TMEM135: variants seen among roughly 807,000 people sequenced by gnomAD.
TMEM135 encodes the protein transmembrane protein 135, also known as peroxisomal membrane protein 52.
Under a neutral mutation model 60.3 loss-of-function variants are expected in TMEM135, and 30 were observed. The observed-to-expected ratio is 0.50, with a 90% CI of 0.37 to 0.68. TMEM135 has a LOEUF of 0.68. TMEM135 is among the 30% of genes least tolerant of loss of function. The pLI is 0.00. For synonymous variants in TMEM135, 190 were observed against 186.7 expected (o/e 1.02, Z -0.14); for missense variants, 468 against 548.8 (o/e 0.85, Z 1.47).
chr11:87,114,557 C>G (rs541334816), intron 4 of TMEM135, among the ~76,000 whole-genome samples: 4 of 152,160 alleles, frequency 2.6e-5, no homozygotes, highest in Non-Finnish European at 4.4e-5. Flanking sequence ...ACTTGTAGAG[C>G]AGTACAGTTT....
intron 3 of TMEM135, among the ~76,000 whole-genome samples, chr11:87,088,069 A>G (rs919421942): frequency 6.6e-6 from 1 of 152,048 alleles, no homozygotes; most frequent in African/African-American, 2.4e-5. Context: ...GAGCCCAGCC[A>G]TGGGTTTGTA....
chr11:87,121,572 A>G (rs1378054716), intron 4 of TMEM135: 1 of 151,868 alleles, frequency 6.6e-6, no homozygotes, highest in African/African-American at 2.4e-5. Context: ...TTAATTTTTA[A>G]AAAATTAGCT....
chr11:87,088,393 C>G (rs548287384), intron 3 of TMEM135, among the ~76,000 whole-genome samples: 1 of 152,062 alleles, frequency 6.6e-6, no homozygotes, highest in Non-Finnish European at 1.5e-5. Context: ...CTATATTACC[C>G]TATGTTAAGA....
At chr11:87,163,788 G>C (rs1260321209) in intron 5 of TMEM135, among the ~76,000 whole-genome samples, 1 of 143,808 alleles carries the variant, frequency 7.0e-6, no homozygotes, top group Non-Finnish European at 1.5e-5. Context: ...CTGATGGCCA[G>C]TGATGATGAG....
At chr11:87,129,341 C>T (rs940096963) in intron 4 of TMEM135, among the ~76,000 whole-genome samples, 1 of 147,822 alleles carries the variant, frequency 6.8e-6, no homozygotes, top group South Asian at 2.2e-4. Context: ...CTCCCAGGTT[C>T]AAGCAGTTCT....
intron 3 of TMEM135, among the ~76,000 whole-genome samples, chr11:87,086,304 ATGCCCCCTGCCC>A (rs1238010935): frequency 6.6e-6 from 1 of 152,000 alleles, no homozygotes; most frequent in African/African-American, 2.4e-5. Context: ...ACAGCCAGTG[ATGCCCCCTGCCC>A]TGCACCCAGG....
intron 4 of TMEM135, among the ~76,000 whole-genome samples, chr11:87,153,366 T>TTC (rs1165299928): frequency 1.3e-5 from 2 of 152,176 alleles, no homozygotes; most frequent in African/African-American, 4.8e-5. Flanking sequence ...AGAACCTTCT[T>TTC]TCCTCCAGTT....
At chr11:87,214,915 T>C (rs1940464060) in intron 5 of TMEM135, among the ~76,000 whole-genome samples, 1 of 152,184 alleles carries the variant, frequency 6.6e-6, no homozygotes, top group South Asian at 2.1e-4. Context: ...TTCTATTTTA[T>C]TTAACACTGA....
intron 5 of TMEM135, among the ~76,000 whole-genome samples, chr11:87,221,102 G>C (rs933937025): frequency 3.9e-5 from 6 of 152,020 alleles, no homozygotes; most frequent in African/African-American, 1.4e-4. Context: ...ACATCTTCTG[G>C]AGAAAAAAGA....
At chr11:87,203,602 C>T (rs952846575) in intron 5 of TMEM135, among the ~76,000 whole-genome samples, 2 of 152,272 alleles carry the variant, frequency 1.3e-5, no homozygotes, top group South Asian at 4.2e-4. Context: ...TTTATTTACT[C>T]ACCTACTGGA....
At chr11:87,150,040 A>C (rs1938515748) in intron 4 of TMEM135, among the ~76,000 whole-genome samples, 1 of 152,100 alleles carries the variant, frequency 6.6e-6, no homozygotes, top group South Asian at 2.1e-4. Flanking sequence ...TAACATGGTG[A>C]AACCTGTCTC....
chr11:87,268,266 TTTA>T, intron 6 of TMEM135, among the ~76,000 whole-genome samples: 1 of 63,246 alleles, frequency 1.6e-5, no homozygotes, highest in East Asian at 2.4e-4. Flanking sequence ...TATTTATTTA[TTTA>T]TTTATTTATT....
chr11:87,141,764 A>G (rs1282534713), intron 4 of TMEM135, among the ~76,000 whole-genome samples: 1 of 152,170 alleles, frequency 6.6e-6, no homozygotes, highest in African/African-American at 2.4e-5. Context: ...CAGAAACTCT[A>G]TTAGTTATTA....
intron 11 of TMEM135, among the ~76,000 whole-genome samples, chr11:87,314,055 G>A (rs772734984): frequency 2.0e-4 from 31 of 151,714 alleles, no homozygotes; most frequent in Non-Finnish European, 2.8e-4. Flanking sequence ...GCAGTGCTAT[G>A]GAGAGAAGTA....
intron 7 of TMEM135, among the ~76,000 whole-genome samples, chr11:87,301,077 A>G (rs1473458003): frequency 6.6e-6 from 1 of 152,146 alleles, no homozygotes; most frequent in African/African-American, 2.4e-5. Context: ...ACAGCTACCA[A>G]AGATTCACAG....
At chr11:87,250,805 A>G (rs571254312) in intron 6 of TMEM135, among the ~76,000 whole-genome samples, 1 of 152,318 alleles carries the variant, frequency 6.6e-6, no homozygotes, top group Admixed American at 6.5e-5. Flanking sequence ...GAGTTAGGAG[A>G]TGTGCCTTAA....
chr11:87,058,380 A>C (rs942713232), intron 1 of TMEM135, among the ~76,000 whole-genome samples: 1 of 152,012 alleles, frequency 6.6e-6, no homozygotes, highest in Non-Finnish European at 1.5e-5. Flanking sequence ...CTCAGGCTGG[A>C]GTGCAGTGGC....
intron 3 of TMEM135, among the ~76,000 whole-genome samples, chr11:87,084,347 A>C (rs550632374): frequency 1.3e-5 from 2 of 150,588 alleles, no homozygotes; most frequent in East Asian, 3.9e-4. Flanking sequence ...TTCACTTGTC[A>C]TCTAGGCTAG....
intron 6 of TMEM135, among the ~76,000 whole-genome samples, chr11:87,274,930 T>A (rs11235073): frequency 0.37 from 54,862 of 150,044 alleles, 10,709 homozygotes; most frequent in Non-Finnish European, 0.43. Flanking sequence ...TCTGAAGAAC[T>A]CTTTTTTCCC....
Sources: allele counts gnomAD v4.1 joint callset (sites outside exome capture counted in the v4.1 genomes callset), GRCh38; gene constraint gnomAD v4.1.1; transcripts MANE v1.5; gene names NCBI Gene and HGNC (gene_info 2026-07-23, HGNC 2026-07-21).